The following MAN2C1 variants were observed in gnomAD, a reference collection of about 807,000 sequenced individuals.
The protein encoded by MAN2C1 is alpha-mannosidase 2C1.
In MAN2C1, 111 loss-of-function variants were observed where a neutral mutation model predicts 126.9. That is an observed-to-expected ratio of 0.87 (90% CI 0.75 to 1.02). The LOEUF (loss-of-function observed/expected upper bound fraction) is 1.02. Ranked by LOEUF, MAN2C1 falls within the 50% of genes least tolerant of loss-of-function variation. The probability of loss-of-function intolerance (pLI) is 0.00; values close to 1 mark genes in which losing one functional copy is unlikely to be tolerated. For missense variants in MAN2C1, 1,363 were observed against 1,364.4 expected, an observed-to-expected ratio of 1.00 and a Z score of 0.02; for synonymous variants, 567 against 561.5, an observed-to-expected ratio of 1.01 and a Z score of -0.14.
At position 75,361,314 on chromosome 15, in the gene MAN2C1, G is replaced by A; in HGVS notation, c.1286C>T (p.Ser429Phe). 1 of 1,569,082 alleles carries A rather than the reference G, an allele frequency of 6.4e-7. No individual in the cohort carries two copies. Among genetic ancestry groups the A allele is most frequent in the African/African-American group, 1.3e-5 (1 of 74,328 alleles). The change falls in exon 11 of 26, where the codon TCC becomes TTC. Residue 429 changes from serine to phenylalanine, a missense_variant. Around this residue, in one of 3 missense-constraint regions of MAN2C1, gnomAD observed 628 missense variants for 609.8 expected, o/e 1.03. Coordinates refer to ENST00000267978, the MANE Select transcript of MAN2C1 (RefSeq NM_006715.4). The surrounding 1 kb of genome is among the most constrained non-coding windows in gnomAD (Gnocchi z 5.0). ...RVLVHFPPGD[S>F]YGMQGSVEEV... ...CTCCACGCTGCCCTGCATCCCATAG[G>A]AGTCGCCAGGTGGGAAGTGGACCAG... is the stretch of plus-strand genomic sequence containing the variant.
chr15:75,356,819 C>T lies in MAN2C1; in HGVS notation c.2631G>A (p.Val877=). The change falls in exon 22 of 26, where the codon GTG becomes GTA. Residue 877 remains valine, a synonymous_variant. Transcript: ENST00000267978. This position sits in a 1 kb window ranked among gnomAD's most constrained non-coding sequence, Gnocchi z 5.8. ...GCGAGAGGCTGAGGATGCTGCCTCG[C>T]ACTGACGCGCCATACTTGCAGTCGT... The part of the protein sequence containing the change: ...LLNDCKYGAS[V]RGSILSLSLL... The T allele has an allele frequency of 6.2e-7, 1 of 1,614,082 alleles. No individual in the cohort carries two copies. The highest frequency in any genetic ancestry group is 8.5e-7 in the Non-Finnish European group (1 of 1,180,028).
Position 75,362,498 on chromosome 15 carries a change from C to T in MAN2C1, c.898-45G>A, listed in dbSNP as rs1352250845. ...AGCTGGGACCAGAGTGACAAGGGCCCCACCCAGGACTGAGCATATGGGACT... is the reference window on the plus strand; with the variant it reads ...AGCTGGGACCAGAGTGACAAGGGCCTCACCCAGGACTGAGCATATGGGACT... On this transcript the variant is annotated intron_variant, in intron 7 of 25. Transcript: ENST00000267978. This position sits in a 1 kb window ranked among gnomAD's most constrained non-coding sequence, Gnocchi z 4.5. The T allele has an allele frequency of 6.4e-7, 1 of 1,553,552 alleles. No homozygotes were observed. The highest frequency in any genetic ancestry group is 1.9e-5 in the Admixed American group (1 of 53,854).
At chr15:75,364,889 T>C (rs1044365050) in intron 4 of MAN2C1, among the ~76,000 whole-genome samples, 1 of 152,200 alleles carries the variant, frequency 6.6e-6, no homozygotes, top group Admixed American at 6.5e-5. Flanking sequence ...GTAGCAAAGT[T>C]TGGAACCATG....
At chr15:75,367,393 T>C in intron 3 of MAN2C1, 118 bp downstream of exon 3, 1 of 1,351,856 alleles carries the variant, frequency 7.4e-7, no homozygotes, top group East Asian at 2.3e-5. Context: ...GAAATCCTGA[T>C]ACCACCCTGT....
Position 75,361,797 on chromosome 15 carries a change from T to TC in MAN2C1, c.1101+57dup. 1 of 1,597,618 alleles carries TC rather than the reference T, an allele frequency of 6.3e-7. No individual in the cohort carries two copies. The highest frequency in any genetic ancestry group is 8.6e-7 in the Non-Finnish European group (1 of 1,165,238). ...CACCCCAGCCTCAGCCCCTCAGCAC[T>TC]CCAAGTCGAGCGCCAGCCCCACTCG... On this transcript the variant is annotated intron_variant, in intron 9 of 25. Transcript: ENST00000267978. The surrounding 1 kb of genome is among the most constrained non-coding windows in gnomAD (Gnocchi z 5.0).
At chr15:75,364,343 C>A in intron 5 of MAN2C1, 145 bp downstream of exon 5, 1 of 1,256,834 alleles carries the variant, frequency 8.0e-7, no homozygotes, top group Non-Finnish European at 1.1e-6. Flanking sequence ...CTCCCCTTCA[C>A]ATAGGAAAAT....
rs750746989 is a variant in MAN2C1 at position 75,361,557 on chromosome 15, C to G, written c.1218+47G>C. 1 of 1,456,938 alleles carries G rather than the reference C, an allele frequency of 6.9e-7. No individual in the cohort carries two copies. Among genetic ancestry groups the G allele is most frequent in the Admixed American group, 1.7e-5 (1 of 59,774 alleles). The allele number at this position is 1,456,938 out of a possible 1,614,324, so 90.3% of individuals were successfully genotyped here. ...AAGGGGGAGAGGCAAATGGGCCAGG[C>G]GGGACTGAGGCCCACTCTGACCCTG... On this transcript the variant is annotated intron_variant, in intron 10 of 25. Coordinates refer to ENST00000267978, the MANE Select transcript of MAN2C1 (RefSeq NM_006715.4). The surrounding 1 kb of genome is among the most constrained non-coding windows in gnomAD (Gnocchi z 5.0).
rs190692217 is a variant in MAN2C1, at chr15:75,364,182, C to T, written c.607G>A (p.Gly203Arg). 588 of 1,609,454 alleles carry T rather than the reference C, an allele frequency of 3.7e-4. No individual in the cohort carries two copies. Among genetic ancestry groups the T allele is most frequent in the Middle Eastern group, 1.0e-3 (6 of 6,014 alleles). Residue 203 changes from glycine (G) to arginine (R), a missense_variant, in exon 6 of 26, where the codon GGG (glycine) becomes AGG (arginine). Physicochemically the swap from Gly to Arg is moderately radical, Grantham distance 125. Coordinates refer to ENST00000267978, the MANE Select transcript of MAN2C1 (RefSeq NM_006715.4). ...ELLLGIAKGL[G>R]KDNQRSFQAL... Reference sequence around the variant, plus strand: ...TGGAAGCTGCGCTGGTTGTCCTTCCCGAGGCCCTGCAGCAGGGTTCTGCCC... The same window carrying T: ...TGGAAGCTGCGCTGGTTGTCCTTCCTGAGGCCCTGCAGCAGGGTTCTGCCC...
Position 75,368,546 on chromosome 15 carries a change from G to C in MAN2C1, c.38C>G (p.Thr13Arg), listed in dbSNP as rs1438107942. 6.4e-7 allele frequency: 1 copy of C among 1,553,588 alleles called. No homozygotes were observed. The highest frequency in any genetic ancestry group is 2.4e-5 in the East Asian group (1 of 41,292). ...AAPALKHWRT[T>R]LERVEKFVSP... ...CACGAACTTCTCCACCCGCTCCAGC[G>C]TGGTGCGCCAGTGCTTCAAGGCCGG... is the stretch of plus-strand genomic sequence containing the variant. Residue 13 changes from threonine to arginine, a missense_variant, in exon 1 of 26, where the codon ACG becomes AGG. This residue lies in a region of MAN2C1 where 628 missense variants were observed against 609.8 expected (regional missense o/e 1.03). Transcript: ENST00000267978.
intron 18 of MAN2C1, 51 bp downstream of exon 18, chr15:75,359,008 G>T: frequency 6.2e-7 from 1 of 1,606,476 alleles, no homozygotes; most frequent in Non-Finnish European, 8.5e-7. Context: ...AGAGGAAATG[G>T]CCTGGGGTCT....
rs2064317976 is a variant in MAN2C1 at position 75,356,893 on chromosome 15, G to C, written c.2557C>G (p.His853Asp). The change falls in exon 22 of 26, where the codon CAT (histidine) becomes GAT (aspartate). Residue 853 changes from histidine to aspartate, a missense_variant. By Grantham distance (81) the His-to-Asp change is moderately conservative. Coordinates refer to ENST00000267978, the MANE Select transcript of MAN2C1 (RefSeq NM_006715.4). The surrounding 1 kb of genome is among the most constrained non-coding windows in gnomAD (Gnocchi z 5.8). Reference sequence around the variant, plus strand: ...TGTTCTGACAGATCCATCCAGCGATGGGCCCACACCTGGAGGGCAGATCCA... The same window carrying C: ...TGTTCTGACAGATCCATCCAGCGATCGGCCCACACCTGGAGGGCAGATCCA... Reference protein sequence around the residue: ...WDWARFEVWAHRWMDLSEHGF... With the variant: ...WDWARFEVWADRWMDLSEHGF... The C allele has an allele frequency of 6.8e-6, 11 of 1,613,996 alleles. No individual in the cohort carries two copies. Among genetic ancestry groups the C allele is most frequent in the Non-Finnish European group, 9.3e-6 (11 of 1,179,974 alleles).
chr15:75,360,579 T>C lies in MAN2C1; in HGVS notation c.1570A>G (p.Thr524Ala), dbSNP rs141030786. 58 of 1,613,302 alleles carry C rather than the reference T, an allele frequency of 3.6e-5. No homozygotes were observed. The highest frequency in any genetic ancestry group is 4.6e-5 in the Non-Finnish European group (54 of 1,179,900). ...CTCCCCCTGACCTGGGCATGGGTGGTGTATGTGCCATTGTGCAGCTCCAAG... is the reference window on the plus strand; with the variant it reads ...CTCCCCCTGACCTGGGCATGGGTGGCGTATGTGCCATTGTGCAGCTCCAAG... ...LFLELHNGTY[T>A]THAQIKKGNR... Residue 524 changes from threonine (T) to alanine (A), a missense_variant, in exon 13 of 26, where the codon ACC becomes GCC. Thr to Ala is a moderately conservative substitution (Grantham distance 58). Around this residue, in one of 3 missense-constraint regions of MAN2C1, gnomAD observed 67 missense variants for 104.5 expected, o/e 0.64. Transcript: ENST00000267978.
chr15:75,367,649 T>C lies in MAN2C1; in HGVS notation c.228-15A>G. The C allele has an allele frequency of 6.2e-7, 1 of 1,614,044 alleles. No individual in the cohort carries two copies. Among genetic ancestry groups the C allele is most frequent in the Non-Finnish European group, 8.5e-7 (1 of 1,179,928 alleles). ...AGGTCCACCATCTGCAAGAGAGCTG[T>C]TGTGATAGGCCTAGAGGTAGAAGTC... On this transcript the variant is annotated splice_polypyrimidine_tract_variant and intron_variant, in intron 2 of 25. Transcript: ENST00000267978.
At position 75,359,309 on chromosome 15, in the gene MAN2C1, C is replaced by CA. The variant is rs1471715580; in HGVS notation, c.2046+18dup. 2 of 1,577,300 alleles carry CA rather than the reference C, an allele frequency of 1.3e-6. No homozygotes were observed. Among genetic ancestry groups the CA allele is most frequent in the Non-Finnish European group, 8.6e-7 (1 of 1,159,266 alleles). Reference sequence around the variant, plus strand: ...GTATCCCAGCACAGTTCCTGCCCCCCAGGGCATGCAGGACTCACCTCTTGC... The same window carrying CA: ...GTATCCCAGCACAGTTCCTGCCCCCCAAGGGCATGCAGGACTCACCTCTTGC... On this transcript the variant is annotated intron_variant, in intron 17 of 25. Coordinates refer to ENST00000267978, the MANE Select transcript of MAN2C1 (RefSeq NM_006715.4).
rs1204669083 is a variant in MAN2C1, at chr15:75,368,148, G to A, written c.152C>T (p.Pro51Leu). Residue 51 changes from proline to leucine, a missense_variant, in exon 2 of 26, where the codon CCG becomes CTG. Coordinates refer to ENST00000267978, the MANE Select transcript of MAN2C1 (RefSeq NM_006715.4). ...PVAVLSSFLTPERLPYQEAVQ... is the reference protein window; with the variant it reads ...PVAVLSSFLTLERLPYQEAVQ... ...TGCCTCCTGGTAGGGAAGTCTCTCC[G>A]GCGTCAGGAAGCTGGAGAGCACAGC... is the stretch of plus-strand genomic sequence containing the variant. The A allele has an allele frequency of 8.1e-6, 13 of 1,604,772 alleles. No homozygotes were observed. Among genetic ancestry groups the A allele is most frequent in the African/African-American group, 2.7e-5 (2 of 74,772 alleles).
At chr15:75,363,261 C>T (rs1157578321) in intron 6 of MAN2C1, 9 of 456,004 alleles carry the variant, frequency 2.0e-5, no homozygotes, top group East Asian at 6.9e-5. Flanking sequence ...CCCAAAACTT[C>T]GGCTGCATCA....
chr15:75,359,936 T>C lies in MAN2C1; in HGVS notation c.1759A>G (p.Met587Val), dbSNP rs374729278. ...HDVVTGSCIQ[M>V]VAEEAMCHYE... is the part of the protein sequence containing the mutation. The stretch of plus-strand genomic sequence containing the variant: ...TGGCACATGGCTTCCTCTGCCACCA[T>C]CTGGATGCAGCTTCCAGTCACCACA... Residue 587 changes from methionine (M) to valine (V), a missense_variant, in exon 15 of 26, where the codon ATG (methionine) becomes GTG (valine). This residue lies in a region of MAN2C1 where 668 missense variants were observed against 650.1 expected (regional missense o/e 1.03). Coordinates refer to ENST00000267978, the MANE Select transcript of MAN2C1 (RefSeq NM_006715.4). 9.9e-6 allele frequency: 16 copies of C among 1,613,384 alleles called. No homozygotes were observed. Among genetic ancestry groups the C allele is most frequent in the Non-Finnish European group, 1.4e-5 (16 of 1,179,688 alleles).
chr15:75,356,906 G>T lies in MAN2C1; in HGVS notation c.2548-4C>A. Reference sequence around the variant, plus strand: ...CCATCCAGCGATGGGCCCACACCTGGAGGGCAGATCCAAGACCCACTTGGT... The same window carrying T: ...CCATCCAGCGATGGGCCCACACCTGTAGGGCAGATCCAAGACCCACTTGGT... On this transcript the variant is annotated splice_region_variant and splice_polypyrimidine_tract_variant and intron_variant, in intron 21 of 25. Coordinates refer to ENST00000267978, the MANE Select transcript of MAN2C1 (RefSeq NM_006715.4). This position sits in a 1 kb window ranked among gnomAD's most constrained non-coding sequence, Gnocchi z 5.8. 1 of 1,613,554 alleles carries T rather than the reference G, an allele frequency of 6.2e-7. No homozygotes were observed. Among genetic ancestry groups the T allele is most frequent in the Non-Finnish European group, 8.5e-7 (1 of 1,179,602 alleles).
chr15:75,366,458 C>T lies in MAN2C1; in HGVS notation c.422+64G>A, dbSNP rs2072576845. The T allele has an allele frequency of 5.6e-6, 8 of 1,417,604 alleles. No individual in the cohort carries two copies. In the Admixed American group the frequency reaches 1.2e-4, roughly 21 times the overall value. 87.8% of individuals were successfully genotyped at this position (1,417,604 alleles called of 1,614,324 possible). Reference sequence around the variant, plus strand: ...CTTATGAGATCACTCTGGGCCTCAGCTCCTCCTTGCTCACTGGTACTCCCT... The same window carrying T: ...CTTATGAGATCACTCTGGGCCTCAGTTCCTCCTTGCTCACTGGTACTCCCT... On this transcript the variant is annotated intron_variant, in intron 4 of 25. Transcript: ENST00000267978.
Sources: gnomAD v4.1 joint callset for allele counts (sites outside exome capture counted in the v4.1 genomes callset) on GRCh38, gnomAD v4.1.1 for gene constraint, gnomAD v4.1.1 regional missense constraint, Gnocchi (gnomAD v3.1) non-coding constraint, MANE v1.5 for transcripts, NCBI Gene and HGNC (gene_info 2026-07-23, HGNC 2026-07-21) for gene names.